SLCO2A1: variants seen among roughly 807,000 people sequenced by gnomAD.
SLCO2A1 encodes matrin F/G 1.
SLCO2A1 carries 60 observed loss-of-function variants against 71.7 expected under a neutral mutation model. The observed-to-expected ratio is 0.84, with a 90% CI of 0.68 to 1.04. The LOEUF (loss-of-function observed/expected upper bound fraction) is 1.04. Among genes scored for constraint, SLCO2A1 ranks in the 50% least tolerant of loss-of-function variants. The pLI, the probability that SLCO2A1 is intolerant of heterozygous loss-of-function variation, is 0.00. For synonymous variants in SLCO2A1, 308 were observed against 326.7 expected (o/e 0.94, Z 0.62); for missense variants, 745 against 813.4 (o/e 0.92, Z 1.02).
intron 11 of SLCO2A1, among the ~76,000 whole-genome samples, chr3:133,939,235 A>C (rs1227450207): frequency 6.6e-6 from 1 of 152,158 alleles, no homozygotes; most frequent in Non-Finnish European, 1.5e-5. Flanking sequence ...AAGAGAGGAA[A>C]ATGTGTTTGG....
rs1211652982 is a variant in SLCO2A1, at chr3:133,945,255, G to C, written c.1301C>G (p.Ser434Ter). The change falls in exon 10 of 14, where the codon TCA becomes TGA. Residue 434 changes from serine to a stop codon, truncating the protein, a stop_gained. Transcript: ENST00000310926. LOFTEE classifies it high-confidence loss of function. ...TVAEVYPPSTSSSIHPQSPAC... is the reference protein window; with the variant it reads ...TVAEVYPPST ...AGGAGACTGCGGATGTATAGAACTT[G>C]ATGTGCTGCCAGCAAAAGAGGAAAC... The C allele has an allele frequency of 1.9e-6, 3 of 1,602,806 alleles. No individual in the cohort carries two copies. The highest frequency in any genetic ancestry group is 2.5e-6 in the Non-Finnish European group (3 of 1,176,576).
chr3:134,016,002 A>C (rs1187831003), intron 1 of SLCO2A1, among the ~76,000 whole-genome samples: 1 of 152,182 alleles, frequency 6.6e-6, no homozygotes, highest in Non-Finnish European at 1.5e-5. Flanking sequence ...ACAAACAAAA[A>C]AAACACCTTA....
At chr3:133,934,916 C>T in intron 13 of SLCO2A1, 86 bp from the exon 14 acceptor site, 1 of 1,054,452 alleles carries the variant, frequency 9.5e-7, no homozygotes, top group Non-Finnish European at 1.4e-6. Flanking sequence ...AGAACCACAT[C>T]ATTCCCACGC....
chr3:134,018,643 T>A (rs1223683014), intron 1 of SLCO2A1, among the ~76,000 whole-genome samples: 1 of 152,154 alleles, frequency 6.6e-6, no homozygotes, highest in Non-Finnish European at 1.5e-5. Context: ...TTGGCAGCAG[T>A]CATCAACCAC....
chr3:133,940,022 C>T (rs1229906968), intron 11 of SLCO2A1, among the ~76,000 whole-genome samples: 1 of 142,552 alleles, frequency 7.0e-6, no homozygotes, highest in African/African-American at 2.6e-5. Flanking sequence ...GGCTGGAGTG[C>T]AGTGGCTCAG....
In SLCO2A1 at chr3:133,951,360, A is replaced by G. The variant is rs758310367; in HGVS notation, c.725-16T>C. 6.2e-7 allele frequency: 1 copy of G among 1,613,762 alleles called. No individual in the cohort carries two copies. Among genetic ancestry groups the G allele is most frequent in the Non-Finnish European group, 8.5e-7 (1 of 1,179,890 alleles). ...TTAACTGCAGCTGAAGAGAAAACGA[A>G]GAGTGCAAATGTTTGTTGAATGCAT... On this transcript the variant is annotated splice_polypyrimidine_tract_variant and intron_variant, in intron 5 of 13. Transcript: ENST00000310926.
At chr3:134,012,903 G>C (rs1017044903) in intron 1 of SLCO2A1, among the ~76,000 whole-genome samples, 7 of 152,200 alleles carry the variant, frequency 4.6e-5, no homozygotes, top group Non-Finnish European at 1.0e-4. Flanking sequence ...GTCATAGCAA[G>C]GGAGGCAGTG....
chr3:133,980,899 C>G (rs996859305), intron 1 of SLCO2A1, among the ~76,000 whole-genome samples: 1 of 152,226 alleles, frequency 6.6e-6, no homozygotes, highest in South Asian at 2.1e-4. Context: ...CCACCTGAAC[C>G]TGTGTGGCCA....
chr3:133,957,584 A>AT (rs539519353), intron 3 of SLCO2A1, among the ~76,000 whole-genome samples: 52 of 152,284 alleles, frequency 3.4e-4, no homozygotes, highest in African/African-American at 1.2e-3. Context: ...AGAACATGGC[A>AT]TGGGAAGATT....
At chr3:133,999,297 T>G (rs1935051856) in intron 1 of SLCO2A1, among the ~76,000 whole-genome samples, 2 of 152,222 alleles carry the variant, frequency 1.3e-5, no homozygotes, top group Admixed American at 6.5e-5. Flanking sequence ...CTGGCAATGA[T>G]GCACACAGTT....
At chr3:133,996,287 ACTCGGC>A (rs1306086757) in intron 1 of SLCO2A1, among the ~76,000 whole-genome samples, 1 of 151,960 alleles carries the variant, frequency 6.6e-6, no homozygotes, top group Non-Finnish European at 1.5e-5. Context: ...ACCACAACAC[ACTCGGC>A]CTTTTCAAAG....
In SLCO2A1 at chr3:133,953,683, T is replaced by C; in HGVS notation, c.704A>G (p.Asp235Gly). The change falls in exon 5 of 14, where the codon GAC (aspartate) becomes GGC (glycine). Residue 235 changes from aspartate (D) to glycine (G), a missense_variant. Asp to Gly is a moderately conservative substitution (Grantham distance 94). Transcript: ENST00000310926. Reference protein sequence around the residue: ...LGSVMLQIFVDYGRVNTAAVN... With the variant: ...LGSVMLQIFVGYGRVNTAAVN... ...CTCACCTGTGTTGACCCTGCCATAG[T>C]CCACAAAGATCTGCAGCATGACAGA... is the stretch of plus-strand genomic sequence containing the variant. 1 of 1,614,064 alleles carries C rather than the reference T, an allele frequency of 6.2e-7. No individual in the cohort carries two copies. Among genetic ancestry groups the C allele is most frequent in the Non-Finnish European group, 8.5e-7 (1 of 1,180,000 alleles).
intron 12 of SLCO2A1, among the ~76,000 whole-genome samples, chr3:133,938,030 G>A (rs1933316573): frequency 6.6e-6 from 1 of 152,244 alleles, no homozygotes; most frequent in Non-Finnish European, 1.5e-5. Context: ...ATAGTTTTAG[G>A]AGGAGTGAAT....
At position 133,935,559 on chromosome 3, in the gene SLCO2A1, C is replaced by T. The variant is rs377021601; in HGVS notation, c.1814+215G>A. On this transcript the variant is annotated intron_variant, in intron 13 of 13. Transcript: ENST00000310926. ...GTCTGCTGCCCCTTCCAAGGGCTTT[C>T]GGGTCATGGAAGTCCCTGGACATCT... 3.9e-5 allele frequency among the ~76,000 whole-genome samples: 6 copies of T among 152,306 alleles called. No individual in the cohort carries two copies. The East Asian group carries it at 5.8e-4, about 15-fold the overall frequency.
At chr3:134,004,688 G>C (rs1399220634) in intron 1 of SLCO2A1, among the ~76,000 whole-genome samples, 4 of 152,182 alleles carry the variant, frequency 2.6e-5, no homozygotes, top group Admixed American at 2.6e-4. Context: ...AGGTGAAAAG[G>C]AGAGTGATTC....
intron 1 of SLCO2A1, among the ~76,000 whole-genome samples, chr3:134,012,893 G>A (rs1935370944): frequency 6.6e-6 from 1 of 152,198 alleles, no homozygotes; most frequent in Non-Finnish European, 1.5e-5. Flanking sequence ...CTTGTAAAAT[G>A]TCATAGCAAG....
chr3:133,989,598 T>C (rs1045404084), intron 1 of SLCO2A1, among the ~76,000 whole-genome samples: 8 of 152,234 alleles, frequency 5.3e-5, no homozygotes, highest in Non-Finnish European at 1.0e-4. Context: ...TTTGAATCAG[T>C]GTAACATGTG....
chr3:133,972,097 A>G (rs1934340027), intron 3 of SLCO2A1, among the ~76,000 whole-genome samples: 1 of 152,222 alleles, frequency 6.6e-6, no homozygotes, highest in Non-Finnish European at 1.5e-5. Context: ...AGTATAATAT[A>G]AATATATTTA....
At chr3:133,989,708 A>G (rs909434214) in intron 1 of SLCO2A1, among the ~76,000 whole-genome samples, 2 of 152,098 alleles carry the variant, frequency 1.3e-5, no homozygotes, top group African/African-American at 2.4e-5. Flanking sequence ...GTTGGGAATA[A>G]CCCCCTCTGC....
Sources: gnomAD v4.1 joint callset for allele counts (sites outside exome capture counted in the v4.1 genomes callset) on GRCh38, gnomAD v4.1.1 for gene constraint, MANE v1.5 for transcripts, NCBI Gene and HGNC (gene_info 2026-07-23, HGNC 2026-07-21) for gene names.